CADM1: variants seen among roughly 807,000 people sequenced by gnomAD.
The protein encoded by CADM1 is cell adhesion molecule 1, also known as TSLC-1.
Under a neutral mutation model 53.1 loss-of-function variants are expected in CADM1, and 15 were observed. That is an observed-to-expected ratio of 0.28 (90% confidence interval 0.19 to 0.44). The LOEUF is 0.44. CADM1 is among the 20% of genes least tolerant of loss of function. CADM1 has a pLI of 1.00. For synonymous variants in CADM1, 281 were observed against 243.0 expected (o/e 1.16, Z -1.45); for missense variants, 434 against 611.3 (o/e 0.71, Z 3.06).
At chr11:115,316,098 C>T (rs1565360982) in intron 1 of CADM1, among the ~76,000 whole-genome samples, 2 of 152,132 alleles carry the variant, frequency 1.3e-5, no homozygotes, top group Non-Finnish European at 2.9e-5. Context: ...AGAATAATGC[C>T]CATTTTCCAA....
At chr11:115,424,121 G>A (rs1591217705) in intron 1 of CADM1, among the ~76,000 whole-genome samples, 1 of 152,192 alleles carries the variant, frequency 6.6e-6, no homozygotes, top group Non-Finnish European at 1.5e-5. Flanking sequence ...GTGGGGAAAC[G>A]ACATCCTAAA....
rs66634540 is a variant in CADM1, at chr11:115,170,198, G to C, written c.*6276C>G. 0.16 allele frequency: 24,441 copies of C among 153,214 alleles called. 2,067 individuals are homozygous for C. Among genetic ancestry groups the C allele is most frequent in the East Asian group, 0.28 (1,424 of 5,172 alleles). The allele number at this position is 153,214 out of a possible 1,614,324, so 9.5% of individuals were successfully genotyped here. On this transcript the variant is annotated 3_prime_UTR_variant, in exon 12 of 12. Transcript: ENST00000331581. ...ACGTCTGGAGGGCAGCTGAAGTCCC[G>C]GGCCCAGAGAACCGGTTGATTTGCC...
rs181390107 is a variant in CADM1 at position 115,420,292 on chromosome 11, G to A, written c.124+83979C>T. 1.5e-3 allele frequency among the ~76,000 whole-genome samples: 232 copies of A among 152,298 alleles called. 2 individuals carry two copies. In the Middle Eastern group the frequency reaches 0.031, roughly 20 times the overall value. ...GGGACAAGTTATAGCAGAAAACTTG[G>A]AATTGACTTGCTCCTGATCATTGTG... On this transcript the variant is annotated intron_variant, in intron 1 of 11. Coordinates refer to ENST00000331581, the MANE Select transcript of CADM1 (RefSeq NM_001301043.2).
intron 1 of CADM1, among the ~76,000 whole-genome samples, chr11:115,374,217 T>G (rs886622544): frequency 6.6e-6 from 1 of 152,122 alleles, no homozygotes; most frequent in Non-Finnish European, 1.5e-5. Flanking sequence ...TAGCAAAGAT[T>G]CTGGGGTCAT....
chr11:115,491,362 G>A (rs992216410), intron 1 of CADM1, among the ~76,000 whole-genome samples: 6 of 152,050 alleles, frequency 3.9e-5, no homozygotes, highest in African/African-American at 1.2e-4. Context: ...TCAGGAGATC[G>A]AGACCATCCT....
At chr11:115,234,521 T>C (rs1388985388) in intron 3 of CADM1, among the ~76,000 whole-genome samples, 1 of 152,156 alleles carries the variant, frequency 6.6e-6, no homozygotes, top group African/African-American at 2.4e-5. Context: ...TGCTAGTTCC[T>C]AGGATTATAT....
chr11:115,451,494 G>A (rs1178216062), intron 1 of CADM1, among the ~76,000 whole-genome samples: 1 of 152,208 alleles, frequency 6.6e-6, no homozygotes, highest in Non-Finnish European at 1.5e-5. Context: ...GGCGAAAAAG[G>A]ACATAGGTAG....
intron 1 of CADM1, among the ~76,000 whole-genome samples, chr11:115,474,082 C>G (rs1202825880): frequency 6.6e-6 from 1 of 151,702 alleles, no homozygotes; most frequent in Non-Finnish European, 1.5e-5. Flanking sequence ...ATCATGGGGT[C>G]AGGAGATCAA....
chr11:115,178,866 CTTCT>C, intron 10 of CADM1, 91 bp from the exon 11 acceptor site: 8 of 1,414,492 alleles, frequency 5.7e-6, no homozygotes, highest in Non-Finnish European at 7.9e-6. Flanking sequence ...AGAGGGTCAC[CTTCT>C]TTTTTAATGG....
intron 1 of CADM1, 80 bp from the exon 2 acceptor site, chr11:115,240,500 C>A: frequency 6.9e-7 from 1 of 1,439,766 alleles, no homozygotes; most frequent in Non-Finnish European, 9.7e-7. Flanking sequence ...AAAGTGGGAA[C>A]TAGGCATATT....
At chr11:115,287,499 T>C (rs1383118539) in intron 1 of CADM1, 3 of 152,258 alleles carry the variant, frequency 2.0e-5, no homozygotes, top group African/African-American at 4.8e-5. Flanking sequence ...ACTCTAGTCA[T>C]CTGCCAGAAG....
chr11:115,410,913 T>C (rs1031491201), intron 1 of CADM1, among the ~76,000 whole-genome samples: 1 of 152,132 alleles, frequency 6.6e-6, no homozygotes, highest in African/African-American at 2.4e-5. Context: ...TCATAATCCA[T>C]TTGCTGCCAT....
chr11:115,283,514 C>T (rs1452454157), intron 1 of CADM1, among the ~76,000 whole-genome samples: 1 of 152,130 alleles, frequency 6.6e-6, no homozygotes, highest in Non-Finnish European at 1.5e-5. Context: ...AGGGTCTAAG[C>T]AAATCAGTGA....
chr11:115,436,866 G>A (rs994718908), intron 1 of CADM1, among the ~76,000 whole-genome samples: 4 of 152,092 alleles, frequency 2.6e-5, no homozygotes, highest in African/African-American at 9.7e-5. Context: ...ATCTTCCAGT[G>A]GTCAGTAAAT....
intron 1 of CADM1, among the ~76,000 whole-genome samples, chr11:115,390,196 T>C (rs1402344486): frequency 6.6e-6 from 1 of 152,188 alleles, no homozygotes; most frequent in Non-Finnish European, 1.5e-5. Context: ...CATGTGACAG[T>C]GGCTTCACTG....
In CADM1 at chr11:115,174,278, TG is replaced by T. The variant is rs764036775; in HGVS notation, c.*2195del. The T allele has an allele frequency of 3.5e-5, 33 of 947,160 alleles. No homozygotes were observed. The highest frequency in any genetic ancestry group is 3.4e-4 in the African/African-American group (18 of 52,754). The allele number at this position is 947,160 out of a possible 1,614,324, so 58.7% of individuals were successfully genotyped here. On this transcript the variant is annotated 3_prime_UTR_variant, in exon 12 of 12. Coordinates refer to ENST00000331581, the MANE Select transcript of CADM1 (RefSeq NM_001301043.2). ...GAGCAATGGTGTGATTTTTTTTTTT[TG>T]TTTTTGTTTTTGTTTTTCTTTTTTT...
intron 1 of CADM1, among the ~76,000 whole-genome samples, chr11:115,427,007 G>T (rs1011738900): frequency 1.3e-5 from 2 of 152,012 alleles, no homozygotes. Context: ...CTTTAGTTTT[G>T]TTCCATAGGA....
At chr11:115,436,513 T>G (rs1365311612) in intron 1 of CADM1, among the ~76,000 whole-genome samples, 3 of 152,194 alleles carry the variant, frequency 2.0e-5, no homozygotes, top group Non-Finnish European at 4.4e-5. Context: ...TGTCATGAAC[T>G]GTGATTCTTT....
At chr11:115,252,355 C>T (rs1310573994) in intron 1 of CADM1, among the ~76,000 whole-genome samples, 4 of 152,314 alleles carry the variant, frequency 2.6e-5, no homozygotes, top group Non-Finnish European at 5.9e-5. Flanking sequence ...ACCATCTATG[C>T]ACTCTCTGTC....
Sources: allele counts gnomAD v4.1 joint callset (sites outside exome capture counted in the v4.1 genomes callset), GRCh38; gene constraint gnomAD v4.1.1; transcripts MANE v1.5; gene names NCBI Gene and HGNC (gene_info 2026-07-23, HGNC 2026-07-21).